Variants in USP10 observed in about 807,000 individuals in gnomAD.
The protein encoded by USP10 is ubiquitin carboxyl-terminal hydrolase 10.
USP10 carries 22 observed loss-of-function variants against 84.5 expected under a neutral mutation model. The observed-to-expected ratio is 0.26, with a 90% CI of 0.19 to 0.37. The LOEUF is 0.37. Among genes scored for constraint, USP10 ranks in the 10% least tolerant of loss-of-function variants. USP10 has a pLI of 1.00. For missense variants in USP10, 1,019 were observed against 998.9 expected, an observed-to-expected ratio of 1.02 and a Z score of -0.27; for synonymous variants, 454 against 387.6, an observed-to-expected ratio of 1.17 and a Z score of -2.01.
intron 8 of USP10, among the ~76,000 whole-genome samples, chr16:84,761,644 C>T (rs140186829): frequency 3.3e-4 from 50 of 152,384 alleles, no homozygotes; most frequent in African/African-American, 1.2e-3. Context: ...TTACTGAGGG[C>T]TGGTCCCATA....
At chr16:84,705,001 A>G (rs1197324167) in intron 1 of USP10, 1 of 1,245,554 alleles carries the variant, frequency 8.0e-7, no homozygotes, top group East Asian at 2.5e-5. Flanking sequence ...CTGCGCTGTA[A>G]TGGTGGCTGC....
In USP10 at chr16:84,744,855, A is replaced by C; in HGVS notation, c.374A>C (p.Asp125Ala). 1 of 1,613,444 alleles carries C rather than the reference A, an allele frequency of 6.2e-7. No homozygotes were observed. The highest frequency in any genetic ancestry group is 8.5e-7 in the Non-Finnish European group (1 of 1,179,606). ...TACCCAGGCTCTGCCCTCGCTTTGG[A>C]TGGAAGTTCTAATGTGGAGGCGGAA... is the stretch of plus-strand genomic sequence containing the variant. The part of the protein sequence containing the change: ...CQYPGSALAL[D>A]GSSNVEAEVL... Residue 125 changes from aspartate (D) to alanine (A), a missense_variant, in exon 4 of 14, where the codon GAT becomes GCT. Around this residue, in one of 2 missense-constraint regions of USP10, gnomAD observed 787 missense variants for 708.8 expected, o/e 1.11. Coordinates refer to ENST00000219473, the MANE Select transcript of USP10 (RefSeq NM_005153.3).
intron 1 of USP10, among the ~76,000 whole-genome samples, chr16:84,712,945 G>A (rs1458419407): frequency 6.6e-6 from 1 of 152,196 alleles, no homozygotes; most frequent in African/African-American, 2.4e-5. Context: ...TGGGGGCTCC[G>A]TGTACTAAAG....
chr16:84,723,712 T>C (rs529684494), intron 1 of USP10, among the ~76,000 whole-genome samples: 10 of 152,380 alleles, frequency 6.6e-5, no homozygotes, highest in Admixed American at 4.6e-4. Context: ...TCTTGTACTT[T>C]AAAGAAATCA....
In USP10 at chr16:84,726,540, A is replaced by G. The variant is rs554354665; in HGVS notation, c.22-6895A>G. 4.6e-5 allele frequency among the ~76,000 whole-genome samples: 7 copies of G among 152,370 alleles called. No individual in the cohort carries two copies. The East Asian group carries it at 1.3e-3, about 29-fold the overall frequency. ...ACTGAGCCAGCTTAGCCAACAGGCT[A>G]TGCTTCAGGGAGGAAGGTGTCTTTT... On this transcript the variant is annotated intron_variant, in intron 1 of 13. Transcript: ENST00000219473.
chr16:84,746,444 T>A (rs1299169097), intron 4 of USP10, among the ~76,000 whole-genome samples: 1 of 152,226 alleles, frequency 6.6e-6, no homozygotes. Flanking sequence ...CTTAGGCTGG[T>A]GGTGCAGCCT....
chr16:84,737,641 G>C (rs952214067), intron 2 of USP10, among the ~76,000 whole-genome samples: 17 of 152,358 alleles, frequency 1.1e-4, no homozygotes, highest in Admixed American at 1.1e-3. Flanking sequence ...TCATCTGGGA[G>C]TTTGCTGGTG....
chr16:84,773,137 C>T (rs1914625794), intron 12 of USP10, among the ~76,000 whole-genome samples: 1 of 152,176 alleles, frequency 6.6e-6, no homozygotes, highest in South Asian at 2.1e-4. Flanking sequence ...TTACCAGCCT[C>T]AAGTCTCTGT....
chr16:84,774,712 G>A (rs1424421091), intron 12 of USP10, among the ~76,000 whole-genome samples: 4 of 152,116 alleles, frequency 2.6e-5, no homozygotes, highest in South Asian at 2.1e-4. Flanking sequence ...CCTCGTGATC[G>A]CCCGTCTCAG....
At chr16:84,768,506 T>G in intron 11 of USP10, 148 bp downstream of exon 11, 1 of 775,528 alleles carries the variant, frequency 1.3e-6, no homozygotes, top group Non-Finnish European at 1.9e-6. Context: ...TTTTATGGTT[T>G]TACAATGAAA....
At position 84,758,696 on chromosome 16, in the gene USP10, A is replaced by T; in HGVS notation, c.1193-20A>T. On this transcript the variant is annotated intron_variant, in intron 4 of 13. Transcript: ENST00000219473. ...ACTAGATGTCATCAATTTCTGAAAT[A>T]TGCTTCTTCACTCTTTCAGAGTTGC... The T allele has an allele frequency of 1.3e-6, 2 of 1,554,336 alleles. No individual in the cohort carries two copies. Among genetic ancestry groups the T allele is most frequent in the Admixed American group, 1.7e-5 (1 of 59,806 alleles).
At chr16:84,716,504 T>C (rs1907033708) in intron 1 of USP10, 2 of 152,202 alleles carry the variant, frequency 1.3e-5, no homozygotes, top group Admixed American at 1.3e-4. Context: ...TAACAGTTCA[T>C]TCACAGAGAC....
chr16:84,778,330 T>G (rs1915233492), intron 13 of USP10, among the ~76,000 whole-genome samples: 1 of 152,138 alleles, frequency 6.6e-6, no homozygotes, highest in Non-Finnish European at 1.5e-5. Context: ...AAGGACCTTG[T>G]TTTCTCATTT....
Position 84,700,129 on chromosome 16 carries a change from C to T in USP10, c.21+18C>T. The T allele has an allele frequency of 7.5e-7, 1 of 1,338,462 alleles. No homozygotes were observed. The highest frequency in any genetic ancestry group is 9.8e-7 in the Non-Finnish European group (1 of 1,022,994). The allele number at this position is 1,338,462 out of a possible 1,614,324, so 82.9% of individuals were successfully genotyped here. On this transcript the variant is annotated intron_variant, in intron 1 of 13. Coordinates refer to ENST00000219473, the MANE Select transcript of USP10 (RefSeq NM_005153.3). Reference sequence around the variant, plus strand: ...GCCCGCAGGTAGCCGCCGGTCTGCGCCTTCGGCCGGAAGGGGCCCGAGCCC... The same window carrying T: ...GCCCGCAGGTAGCCGCCGGTCTGCGTCTTCGGCCGGAAGGGGCCCGAGCCC...
At chr16:84,710,701 G>T (rs971422350) in intron 1 of USP10, among the ~76,000 whole-genome samples, 1 of 152,056 alleles carries the variant, frequency 6.6e-6, no homozygotes, top group Admixed American at 6.6e-5. Flanking sequence ...TAGAAATTTG[G>T]AATCATTGGA....
chr16:84,760,150 C>G (rs780335385), intron 7 of USP10, 22 bp from the exon 8 acceptor site: 16 of 1,587,294 alleles, frequency 1.0e-5, no homozygotes, highest in Non-Finnish European at 1.2e-5. Context: ...TTAGGAAAAC[C>G]TGTGTCCTCT....
intron 1 of USP10, among the ~76,000 whole-genome samples, chr16:84,701,633 C>G (rs1054898693): frequency 6.6e-6 from 1 of 152,172 alleles, no homozygotes; most frequent in African/African-American, 2.4e-5. Context: ...GCATAGCTCA[C>G]TTCCTTTATT....
At chr16:84,741,144 AGGGGT>A (rs1910576149) in intron 3 of USP10, among the ~76,000 whole-genome samples, 6 of 152,226 alleles carry the variant, frequency 3.9e-5, no homozygotes, top group Admixed American at 2.0e-4. Context: ...GACTTATGAA[AGGGGT>A]TTTAATTACA....
intron 4 of USP10, among the ~76,000 whole-genome samples, chr16:84,751,175 C>T (rs943231528): frequency 3.3e-5 from 5 of 152,164 alleles, no homozygotes; most frequent in African/African-American, 7.2e-5. Flanking sequence ...ACATGCTGTA[C>T]GGGTTTGTAG....
Sources: gnomAD v4.1 joint callset for allele counts (sites outside exome capture counted in the v4.1 genomes callset) on GRCh38, gnomAD v4.1.1 for gene constraint, gnomAD v4.1.1 regional missense constraint, MANE v1.5 for transcripts, NCBI Gene and HGNC (gene_info 2026-07-23, HGNC 2026-07-21) for gene names.